The following CNTLN variants were observed in gnomAD, a reference collection of about 807,000 sequenced individuals.
The protein encoded by CNTLN is centlein.
Under a neutral mutation model 180.0 loss-of-function variants are expected in CNTLN, and 212 were observed. The observed-to-expected ratio is 1.18, with a 90% CI of 1.05 to 1.32. CNTLN has a LOEUF of 1.32. Among genes scored for constraint, CNTLN ranks in the 40% most tolerant of loss-of-function variants. The pLI is 0.00. For synonymous variants in CNTLN, 722 were observed against 563.1 expected, an observed-to-expected ratio of 1.28 and a Z score of -3.99; for missense variants, 2,095 against 1,610.9, an observed-to-expected ratio of 1.30 and a Z score of -5.14.
At chr9:17,417,134 G>C (rs1338482509) in intron 18 of CNTLN, among the ~76,000 whole-genome samples, 1 of 152,012 alleles carries the variant, frequency 6.6e-6, no homozygotes, top group East Asian at 1.9e-4. Flanking sequence ...CTTGGCCATT[G>C]GAAATGTGGC....
intron 5 of CNTLN, among the ~76,000 whole-genome samples, chr9:17,260,017 G>C (rs1446581819): frequency 7.0e-6 from 1 of 142,318 alleles, no homozygotes; most frequent in Non-Finnish European, 1.5e-5. Flanking sequence ...CCTTCCGCTA[G>C]CTTTTGAATG....
intron 23 of CNTLN, among the ~76,000 whole-genome samples, chr9:17,477,764 G>C (rs936684033): frequency 3.3e-5 from 5 of 152,180 alleles, no homozygotes; most frequent in African/African-American, 1.2e-4. Flanking sequence ...ATCTCCTCCT[G>C]GTGAAAACGC....
intron 15 of CNTLN, among the ~76,000 whole-genome samples, chr9:17,398,680 A>C (rs959221971): frequency 3.3e-5 from 5 of 152,218 alleles, no homozygotes; most frequent in African/African-American, 1.2e-4. Context: ...TGCCGCCTGC[A>C]AACTCAAGAA....
At chr9:17,365,804 G>C (rs1331005963) in intron 12 of CNTLN, among the ~76,000 whole-genome samples, 1 of 151,942 alleles carries the variant, frequency 6.6e-6, no homozygotes, top group Non-Finnish European at 1.5e-5. Context: ...AAATTAGCTG[G>C]GCATGGTGGC....
intron 14 of CNTLN, 36 bp from the exon 15 acceptor site, chr9:17,394,498 T>G: frequency 1.5e-6 from 2 of 1,355,720 alleles, no homozygotes; most frequent in East Asian, 2.3e-5. Context: ...AGATTATGGT[T>G]TTTGGATTCT....
Position 17,332,660 on chromosome 9 carries a change from C to G in CNTLN, c.1574C>G (p.Ser525Ter), listed in dbSNP as rs753648340. The change falls in exon 10 of 26, where the codon TCA becomes TGA. Residue 525 changes from serine (S) to a stop codon, truncating the protein, a stop_gained. Transcript: ENST00000380647. LOFTEE classifies it high-confidence loss of function. Reference protein sequence around the residue: ...SLSPKSSFTDSEELQKLRKAE... With the variant: ...SLSPKSSFTD ...TCCCCAAAGAGCTCTTTCACAGACT[C>G]AGAAGAGCTACAGAAGCTGAGAAAA... 6.2e-7 allele frequency: 1 copy of G among 1,608,466 alleles called. No individual in the cohort carries two copies. Among genetic ancestry groups the G allele is most frequent in the Non-Finnish European group, 8.5e-7 (1 of 1,177,590 alleles).
chr9:17,456,155 G>C (rs923187944), intron 18 of CNTLN, among the ~76,000 whole-genome samples: 5 of 152,132 alleles, frequency 3.3e-5, no homozygotes, highest in African/African-American at 9.7e-5. Context: ...TGAATAAATA[G>C]AGAATGAACA....
At chr9:17,284,660 G>T (rs1480635176) in intron 6 of CNTLN, among the ~76,000 whole-genome samples, 1 of 151,872 alleles carries the variant, frequency 6.6e-6, no homozygotes, top group Admixed American at 6.6e-5. Context: ...TTTCTTATTA[G>T]TCTAGCTTGC....
Position 17,135,961 on chromosome 9 carries a change from T to C in CNTLN, c.360+536T>C, listed in dbSNP as rs780044207. The stretch of plus-strand genomic sequence containing the variant: ...AGTCTCAGAGCCGGGAACTTAACAA[T>C]AGATGATGCTTGGTACTTGTTTATT... On this transcript the variant is annotated intron_variant, in intron 1 of 25. Transcript: ENST00000380647. 4.6e-5 allele frequency among the ~76,000 whole-genome samples: 7 copies of C among 152,250 alleles called. No homozygotes were observed. In the South Asian group the frequency reaches 6.2e-4, roughly 14 times the overall value.
At chr9:17,200,223 C>T (rs566253450) in intron 2 of CNTLN, among the ~76,000 whole-genome samples, 1 of 152,280 alleles carries the variant, frequency 6.6e-6, no homozygotes, top group East Asian at 1.9e-4. Context: ...CCGTACCATG[C>T]TGTTTTGGTT....
intron 15 of CNTLN, among the ~76,000 whole-genome samples, chr9:17,399,813 C>A (rs1001365673): frequency 6.6e-6 from 1 of 152,148 alleles, no homozygotes; most frequent in Non-Finnish European, 1.5e-5. Context: ...AGGAAAGGAA[C>A]GTCCTTATCT....
intron 2 of CNTLN, among the ~76,000 whole-genome samples, chr9:17,171,309 C>G (rs1000858213): frequency 1.3e-5 from 2 of 152,104 alleles, no homozygotes; most frequent in African/African-American, 4.8e-5. Flanking sequence ...ACATTGATTT[C>G]AGTGGCCAAA....
At chr9:17,175,124 G>C (rs758899298) in intron 2 of CNTLN, among the ~76,000 whole-genome samples, 1 of 152,064 alleles carries the variant, frequency 6.6e-6, no homozygotes. Context: ...GTCTTTTGTA[G>C]AACAAAATTT....
chr9:17,521,280 A>AGAGAGAGAGAGAGAG, the CNTLN span, among the ~76,000 whole-genome samples: 1 of 151,008 alleles, frequency 6.6e-6, no homozygotes, highest in Non-Finnish European at 1.5e-5. Flanking sequence ...AGAGAGAGAG[A>AGAGAGAGAGAGAGAG]GAGAGAGAGA....
intron 12 of CNTLN, among the ~76,000 whole-genome samples, chr9:17,365,185 T>TCCCCCTTG (rs1823711237): frequency 6.6e-6 from 1 of 152,112 alleles, no homozygotes; most frequent in Admixed American, 6.5e-5. Flanking sequence ...TGGGCGGACT[T>TCCCCCTTG]CCCCCTTGCT....
chr9:17,467,912 A>C (rs1052812593), intron 23 of CNTLN, among the ~76,000 whole-genome samples: 4 of 151,716 alleles, frequency 2.6e-5, no homozygotes, highest in South Asian at 2.1e-4. Context: ...AATAATATAA[A>C]TCCTTCTACC....
chr9:17,368,982 C>G (rs1824078564), intron 13 of CNTLN, among the ~76,000 whole-genome samples: 2 of 152,182 alleles, frequency 1.3e-5, no homozygotes, highest in Non-Finnish European at 2.9e-5. Flanking sequence ...TTCCCAGACA[C>G]CAGCAAACAT....
intron 12 of CNTLN, among the ~76,000 whole-genome samples, chr9:17,363,746 G>C (rs372268232): frequency 6.6e-6 from 1 of 152,044 alleles, no homozygotes; most frequent in East Asian, 1.9e-4. Flanking sequence ...TTCAGATATT[G>C]CTATGATTGC....
At position 17,330,780 on chromosome 9, in the gene CNTLN, T is replaced by A; in HGVS notation, c.1490T>A (p.Ile497Asn). The change falls in exon 9 of 26, where the codon ATC becomes AAC. Residue 497 changes from isoleucine (I) to asparagine (N), a missense_variant. Transcript: ENST00000380647. ...AACAAGGGTTTCTCCCGAAAGAGCATCATGACAAGTGCTGAAGGAAAACAT... is the reference window on the plus strand; with the variant it reads ...AACAAGGGTTTCTCCCGAAAGAGCAACATGACAAGTGCTGAAGGAAAACAT... ...SANKGFSRKS[I>N]MTSAEGKHKE... The A allele has an allele frequency of 6.2e-7, 1 of 1,608,902 alleles. No homozygotes were observed. The highest frequency in any genetic ancestry group is 1.7e-4 in the Middle Eastern group (1 of 6,036).
Sources: gnomAD v4.1 joint callset for allele counts (sites outside exome capture counted in the v4.1 genomes callset) on GRCh38, gnomAD v4.1.1 for gene constraint, MANE v1.5 for transcripts, NCBI Gene and HGNC (gene_info 2026-07-23, HGNC 2026-07-21) for gene names.